ZNF609: variants seen among roughly 807,000 people sequenced by gnomAD.
ZNF609 encodes the protein zinc finger protein 609.
A neutral mutation model predicts 109.5 loss-of-function variants in ZNF609; 11 were observed. The ratio of observed to expected loss-of-function variants is 0.10; its 90% CI spans 0.06 to 0.17. The LOEUF is 0.17. ZNF609 is among the 10% of genes least tolerant of loss of function. The pLI is 1.00. For synonymous variants in ZNF609, 646 were observed against 662.0 expected, an observed-to-expected ratio of 0.98 and a Z score of 0.37; for missense variants, 1,559 against 1,772.4, an observed-to-expected ratio of 0.88 and a Z score of 2.16.
At chr15:64,462,064 T>G (rs147998779) in intron 1 of ZNF609, among the ~76,000 whole-genome samples, 145 of 152,324 alleles carry the variant, frequency 9.5e-4, no homozygotes, top group African/African-American at 3.4e-3. Context: ...GTGAAGGTCA[T>G]AGGTTCAAGT....
Position 64,675,841 on chromosome 15 carries a change from G to T in ZNF609, c.2987G>T (p.Ser996Ile). Reference protein sequence around the residue: ...SDQSYHTHLLSTNTAYRQQYE... With the variant: ...SDQSYHTHLLITNTAYRQQYE... ...CAGAGTTACCACACCCACCTTCTGA[G>T]CACTAACACGGCTTACCGGCAGCAG... Residue 996 changes from serine (S) to isoleucine (I), a missense_variant, in exon 5 of 10, where the codon AGC becomes ATC. By Grantham distance (142) the Ser-to-Ile change is moderately radical. Around this residue, in one of 4 missense-constraint regions of ZNF609, gnomAD observed 1,204 missense variants for 1,314.1 expected, o/e 0.92. Transcript: ENST00000326648. 1 of 1,614,196 alleles carries T rather than the reference G, an allele frequency of 6.2e-7. No individual in the cohort carries two copies. Among genetic ancestry groups the T allele is most frequent in the Non-Finnish European group, 8.5e-7 (1 of 1,180,048 alleles).
At chr15:64,576,432 A>G (rs1310998527) in intron 2 of ZNF609, among the ~76,000 whole-genome samples, 1 of 152,004 alleles carries the variant, frequency 6.6e-6, no homozygotes, top group African/African-American at 2.4e-5. Flanking sequence ...AGAATTTTTT[A>G]TCAGAATTTT....
intron 1 of ZNF609, among the ~76,000 whole-genome samples, chr15:64,469,395 G>C (rs1893062258): frequency 8.1e-6 from 1 of 123,232 alleles, no homozygotes; most frequent in South Asian, 2.6e-4. Flanking sequence ...CTGCAATTCA[G>C]CCTTCACTCG....
At chr15:64,678,574 G>C in intron 6 of ZNF609, 92 bp downstream of exon 6, 1 of 1,495,050 alleles carries the variant, frequency 6.7e-7, no homozygotes, top group South Asian at 1.4e-5. Context: ...CAGCCCCAAG[G>C]CATATTGAGG....
chr15:64,466,640 C>T (rs1011366064), intron 1 of ZNF609, among the ~76,000 whole-genome samples: 8 of 152,146 alleles, frequency 5.3e-5, no homozygotes, highest in East Asian at 3.8e-4. Context: ...GGAAGTCTAG[C>T]GACAGCAGTT....
intron 2 of ZNF609, among the ~76,000 whole-genome samples, chr15:64,596,521 C>T (rs1895401677): frequency 6.6e-6 from 1 of 152,172 alleles, no homozygotes; most frequent in African/African-American, 2.4e-5. Context: ...TATCCCTTGG[C>T]TCTTCACATG....
chr15:64,644,672 G>C (rs1896304904), intron 3 of ZNF609, among the ~76,000 whole-genome samples: 1 of 152,174 alleles, frequency 6.6e-6, no homozygotes, highest in Non-Finnish European at 1.5e-5. Flanking sequence ...AAGGACTGTT[G>C]CTAAGTCTTG....
At chr15:64,579,712 A>AC (rs201418125) in intron 2 of ZNF609, among the ~76,000 whole-genome samples, 9,940 of 151,014 alleles carry the variant, frequency 0.066, 341 homozygotes, top group East Asian at 0.076. Flanking sequence ...AAACAAACAA[A>AC]AAAAAAAAAC....
chr15:64,476,525 T>G (rs1893172529), intron 1 of ZNF609, among the ~76,000 whole-genome samples: 1 of 152,160 alleles, frequency 6.6e-6, no homozygotes, highest in African/African-American at 2.4e-5. Flanking sequence ...TGTTAGGCAC[T>G]TCCCTGAGAT....
rs561612322 is a variant in ZNF609 at position 64,572,749 on chromosome 15, C to T, written c.748-50078C>T. On this transcript the variant is annotated intron_variant, in intron 2 of 9. Transcript: ENST00000326648. ...TCTCCACTAAAAATACAAAATTAGC[C>T]GGGCATGGTGGCACATGCCTGCATA... 6.0e-5 allele frequency among the ~76,000 whole-genome samples: 9 copies of T among 151,066 alleles called. No homozygotes were observed. The South Asian group carries it at 1.1e-3, about 18-fold the overall frequency.
intron 2 of ZNF609, among the ~76,000 whole-genome samples, chr15:64,540,016 C>G (rs1000813278): frequency 2.0e-5 from 3 of 152,184 alleles, no homozygotes; most frequent in Middle Eastern, 3.2e-3. Context: ...ACGTGATCCT[C>G]TTGCCACACA....
intron 2 of ZNF609, among the ~76,000 whole-genome samples, chr15:64,576,795 C>T (rs971075721): frequency 7.5e-6 from 1 of 133,132 alleles, no homozygotes; most frequent in African/African-American, 2.9e-5. Context: ...TGCACTCCAG[C>T]CTGGGAGACA....
intron 3 of ZNF609, among the ~76,000 whole-genome samples, chr15:64,665,837 C>T (rs1896637971): frequency 6.6e-6 from 1 of 151,564 alleles, no homozygotes; most frequent in Non-Finnish European, 1.5e-5. Context: ...ACCTGGGAGG[C>T]GGAGGTTGCG....
At chr15:64,652,174 C>G (rs1439658395) in intron 3 of ZNF609, among the ~76,000 whole-genome samples, 3 of 151,662 alleles carry the variant, frequency 2.0e-5, no homozygotes, top group Non-Finnish European at 4.4e-5. Flanking sequence ...TACAGGCGAG[C>G]CAACACACCT....
chr15:64,615,210 C>G (rs1391616750), intron 2 of ZNF609, among the ~76,000 whole-genome samples: 1 of 152,064 alleles, frequency 6.6e-6, no homozygotes. Context: ...ACTGCAGCCT[C>G]AACCTTCTGG....
chr15:64,634,743 T>C (rs1896147154), intron 3 of ZNF609, among the ~76,000 whole-genome samples: 1 of 152,042 alleles, frequency 6.6e-6, no homozygotes, highest in African/African-American at 2.4e-5. Context: ...CCCGAAGAAA[T>C]AGCTCTACCA....
intron 2 of ZNF609, among the ~76,000 whole-genome samples, chr15:64,610,077 C>T (rs1477658773): frequency 1.3e-5 from 2 of 151,992 alleles, no homozygotes; most frequent in African/African-American, 4.8e-5. Context: ...AGTGTCACAC[C>T]TGTAATCCTA....
chr15:64,653,036 C>CTGTG (rs1178889445), intron 3 of ZNF609: 3 of 152,256 alleles, frequency 2.0e-5, no homozygotes, highest in Admixed American at 1.3e-4. Context: ...AGAATGTGTA[C>CTGTG]TGTGGCTCTT....
At chr15:64,644,750 G>A (rs1896305649) in intron 3 of ZNF609, among the ~76,000 whole-genome samples, 1 of 152,196 alleles carries the variant, frequency 6.6e-6, no homozygotes, top group Non-Finnish European at 1.5e-5. Flanking sequence ...GGGCAAAATT[G>A]ATGGATGAGC....
Sources: gnomAD v4.1 joint callset for allele counts (sites outside exome capture counted in the v4.1 genomes callset) on GRCh38, gnomAD v4.1.1 for gene constraint, gnomAD v4.1.1 regional missense constraint, MANE v1.5 for transcripts, NCBI Gene and HGNC (gene_info 2026-07-23, HGNC 2026-07-21) for gene names.